Variants in ERC2 observed in about 807,000 individuals in gnomAD.
The protein encoded by ERC2 is ELKS/RAB6-interacting/CAST family member 2, also known as ERC protein 2.
A neutral mutation model predicts 114.8 loss-of-function variants in ERC2; 42 were observed. The ratio of observed to expected loss-of-function variants is 0.37; its 90% confidence interval spans 0.29 to 0.47. ERC2 has a LOEUF of 0.47. ERC2 is among the 20% of genes least tolerant of loss of function. The probability of loss-of-function intolerance (pLI) is 0.99; values close to 1 mark genes in which losing one functional copy is unlikely to be tolerated. For synonymous variants in ERC2, 454 were observed against 425.5 expected (o/e 1.07, Z -0.82); for missense variants, 939 against 1,150.7 (o/e 0.82, Z 2.66).
At chr3:55,553,942 T>A (rs2055414427) in intron 17 of ERC2, among the ~76,000 whole-genome samples, 1 of 152,344 alleles carries the variant, frequency 6.6e-6, no homozygotes, top group South Asian at 2.1e-4. Flanking sequence ...ACTTTTAGTT[T>A]CTTCTTCAAA....
At chr3:56,282,069 T>C (rs1245830163) in intron 3 of ERC2, among the ~76,000 whole-genome samples, 3 of 152,288 alleles carry the variant, frequency 2.0e-5, no homozygotes, top group Middle Eastern at 6.8e-3. Flanking sequence ...GTGCTTTGCA[T>C]AGGTCATGTC....
chr3:55,880,093 C>T (rs2063048647), intron 14 of ERC2, among the ~76,000 whole-genome samples: 1 of 152,154 alleles, frequency 6.6e-6, no homozygotes, highest in South Asian at 2.1e-4. Flanking sequence ...ACTTAAAGGA[C>T]AGGGAGGTTT....
intron 2 of ERC2, among the ~76,000 whole-genome samples, chr3:56,301,000 A>G (rs1275492185): frequency 6.6e-6 from 1 of 152,242 alleles, no homozygotes; most frequent in East Asian, 1.9e-4. Context: ...CTGTAATCCC[A>G]GCACTTCGGG....
intron 14 of ERC2, among the ~76,000 whole-genome samples, chr3:55,874,532 A>G (rs1411046843): frequency 6.6e-6 from 1 of 152,074 alleles, no homozygotes; most frequent in African/African-American, 2.4e-5. Flanking sequence ...AGAAATGTAA[A>G]CATTTTCTAG....
chr3:55,875,069 T>C (rs534478788), intron 14 of ERC2, among the ~76,000 whole-genome samples: 1 of 152,218 alleles, frequency 6.6e-6, no homozygotes, highest in South Asian at 2.1e-4. Flanking sequence ...CTCACAGCAG[T>C]CAGCTTCCAG....
rs1030314734 is a variant in ERC2 at position 56,070,980 on chromosome 3, C to T, written c.1641+9837G>A. Among the ~76,000 whole-genome samples the T allele has an allele frequency of 2.0e-5, 3 of 152,220 alleles. No individual in the cohort carries two copies. In the South Asian group the frequency reaches 6.2e-4, roughly 31 times the overall value. On this transcript the variant is annotated intron_variant, in intron 7 of 17. Coordinates refer to ENST00000288221, the MANE Select transcript of ERC2 (RefSeq NM_015576.3). ...CAGGAAGTCCTCCTTATTCATCCCACTCCCCTGGCTAGGTGAGGTGCCCCT... is the reference window on the plus strand; with the variant it reads ...CAGGAAGTCCTCCTTATTCATCCCATTCCCCTGGCTAGGTGAGGTGCCCCT...
At chr3:55,718,536 A>C (rs182760726) in intron 15 of ERC2, among the ~76,000 whole-genome samples, 10 of 152,362 alleles carry the variant, frequency 6.6e-5, no homozygotes, top group African/African-American at 2.2e-4. Flanking sequence ...AAATGTAAGT[A>C]AGATGACAGG....
chr3:55,515,554 CT>C (rs34992425), intron 17 of ERC2, among the ~76,000 whole-genome samples: 388 of 144,712 alleles, frequency 2.7e-3, no homozygotes, highest in African/African-American at 3.7e-3. Flanking sequence ...CTCCTTCAGA[CT>C]TTTTTTTTTT....
chr3:56,013,098 C>G (rs1191486045), intron 8 of ERC2, among the ~76,000 whole-genome samples: 1 of 152,212 alleles, frequency 6.6e-6, no homozygotes, highest in Non-Finnish European at 1.5e-5. Context: ...TCTTGAGCTT[C>G]TGTGTGTCAA....
At chr3:55,896,493 C>T (rs367594938) in intron 13 of ERC2, among the ~76,000 whole-genome samples, 192 of 152,340 alleles carry the variant, frequency 1.3e-3, no homozygotes, top group African/African-American at 4.4e-3. Flanking sequence ...CCATTTGTCT[C>T]TATTTAACAC....
At chr3:56,464,574 T>C (rs2107589294) in intron 1 of ERC2, among the ~76,000 whole-genome samples, 1 of 152,380 alleles carries the variant, frequency 6.6e-6, no homozygotes, top group East Asian at 1.9e-4. Flanking sequence ...TGTTAGCATG[T>C]CTTATATCTT....
At chr3:56,424,223 T>C (rs1047623958) in intron 2 of ERC2, among the ~76,000 whole-genome samples, 3 of 152,182 alleles carry the variant, frequency 2.0e-5, no homozygotes, top group Admixed American at 1.3e-4. Flanking sequence ...TTTCAATAAG[T>C]ACCCTTGGCG....
At chr3:56,221,205 T>C (rs1257722422) in intron 3 of ERC2, among the ~76,000 whole-genome samples, 1 of 152,082 alleles carries the variant, frequency 6.6e-6, no homozygotes, top group Non-Finnish European at 1.5e-5. Flanking sequence ...ATTACTATGA[T>C]TCTCTTTTTC....
chr3:55,554,951 T>G (rs889720531), intron 17 of ERC2, among the ~76,000 whole-genome samples: 10 of 152,000 alleles, frequency 6.6e-5, no homozygotes, highest in African/African-American at 4.8e-5. Flanking sequence ...GCCTGTGAGG[T>G]GGGGCCCAAA....
At chr3:56,264,289 G>T (rs891312985) in intron 3 of ERC2, among the ~76,000 whole-genome samples, 1 of 152,112 alleles carries the variant, frequency 6.6e-6, no homozygotes, top group African/African-American at 2.4e-5. Flanking sequence ...CGTAATATTG[G>T]AAGTACTAGC....
chr3:56,249,517 G>A (rs1208457396), intron 3 of ERC2, among the ~76,000 whole-genome samples: 1 of 151,898 alleles, frequency 6.6e-6, no homozygotes, highest in Non-Finnish European at 1.5e-5. Context: ...TAGTAGAGAC[G>A]GGGTTTCACT....
At chr3:56,368,180 T>G (rs1398343204) in intron 2 of ERC2, among the ~76,000 whole-genome samples, 1 of 134,894 alleles carries the variant, frequency 7.4e-6, no homozygotes, top group Admixed American at 7.5e-5. Context: ...TTATTCTTTT[T>G]TTTTTAAAAA....
At chr3:55,660,272 T>C (rs2061067122) in intron 17 of ERC2, among the ~76,000 whole-genome samples, 1 of 152,220 alleles carries the variant, frequency 6.6e-6, no homozygotes, top group Non-Finnish European at 1.5e-5. Flanking sequence ...TTGTTCCACC[T>C]GATATTCCTT....
intron 14 of ERC2, among the ~76,000 whole-genome samples, chr3:55,758,338 C>G (rs1414502917): frequency 6.6e-6 from 1 of 152,202 alleles, no homozygotes; most frequent in Non-Finnish European, 1.5e-5. Flanking sequence ...TTCCCCAACT[C>G]CAAACTATGC....
Sources: allele counts gnomAD v4.1 joint callset (sites outside exome capture counted in the v4.1 genomes callset), GRCh38; gene constraint gnomAD v4.1.1; transcripts MANE v1.5; gene names NCBI Gene and HGNC (gene_info 2026-07-23, HGNC 2026-07-21).